PDE1A: variants seen among roughly 807,000 people sequenced by gnomAD.
PDE1A encodes phosphodiesterase 1A.
Under a neutral mutation model 61.7 loss-of-function variants are expected in PDE1A, and 35 were observed. The ratio of observed to expected loss-of-function variants is 0.57; its 90% CI spans 0.43 to 0.75. PDE1A has a LOEUF of 0.75. Among genes scored for constraint, PDE1A ranks in the 30% least tolerant of loss-of-function variants. The pLI, the probability that PDE1A is intolerant of heterozygous loss-of-function variation, is 0.00. For missense variants in PDE1A, 597 were observed against 630.6 expected (o/e 0.95, Z 0.57); for synonymous variants, 232 against 213.2 (o/e 1.09, Z -0.77).
chr2:182,454,451 G>A (rs188624711), intron 2 of PDE1A, among the ~76,000 whole-genome samples: 5,873 of 152,046 alleles, frequency 0.039, 141 homozygotes, highest in Middle Eastern at 0.085. Flanking sequence ...AAAAGAGCCC[G>A]CATCGCCAAG....
At chr2:182,426,584 A>T (rs371133275) in exon 1 of PDE1A, 2 of 1,608,006 alleles carry the variant, frequency 1.2e-6, no homozygotes, top group Non-Finnish European at 1.7e-6. Flanking sequence ...TTACCTAAAG[A>T]TGGGTCTTTG....
intron 1 of PDE1A, among the ~76,000 whole-genome samples, chr2:182,300,878 T>G (rs1695197782): frequency 6.6e-6 from 1 of 152,180 alleles, no homozygotes; most frequent in Admixed American, 6.5e-5. Context: ...GGGCTCTCTC[T>G]TGCAAAGTTG....
downstream of PDE1A, chr2:182,167,871 A>G: frequency 9.7e-7 from 1 of 1,029,032 alleles, no homozygotes; most frequent in Non-Finnish European, 1.2e-6. Context: ...CGTTTAGAAA[A>G]GGGACAATCT....
At chr2:182,573,581 A>C in the PDE1A span, among the ~76,000 whole-genome samples, 15 of 152,166 alleles carry the variant, frequency 9.9e-5, no homozygotes, top group South Asian at 2.1e-3. Context: ...TTGTCTATTA[A>C]AGACATTTAG....
chr2:182,476,747 G>A (rs1453664236), intron 2 of PDE1A, among the ~76,000 whole-genome samples: 2 of 151,782 alleles, frequency 1.3e-5, no homozygotes, highest in African/African-American at 4.8e-5. Context: ...TTGAAAAGGA[G>A]CTTGGGCAAG....
At chr2:182,186,388 T>C in intron 12 of PDE1A, 80 bp downstream of exon 12, 16 of 1,475,044 alleles carry the variant, frequency 1.1e-5, no homozygotes, top group Non-Finnish European at 1.4e-5. Flanking sequence ...TCTGCCTAGA[T>C]GTGAGAAATA....
chr2:182,386,064 G>A (rs552067121), intron 1 of PDE1A, among the ~76,000 whole-genome samples: 21 of 152,252 alleles, frequency 1.4e-4, no homozygotes, highest in Admixed American at 2.6e-4. Flanking sequence ...TGTGTTGGCC[G>A]GGCTGGTCCT....
At chr2:182,516,702 G>GAGGAAGGGAGGAAGGA (rs1553636652) in intron 2 of PDE1A, among the ~76,000 whole-genome samples, 3 of 116,762 alleles carry the variant, frequency 2.6e-5, no homozygotes, top group African/African-American at 6.7e-5. Flanking sequence ...GGGAGGAAGG[G>GAGGAAGGGAGGAAGGA]AGGAAGGAAG....
chr2:182,450,556 T>TAAA (rs36059127), intron 2 of PDE1A, among the ~76,000 whole-genome samples: 2 of 148,354 alleles, frequency 1.3e-5, no homozygotes, highest in Non-Finnish European at 1.5e-5. Context: ...AATGTTTTCA[T>TAAA]AAAAAAAAAA....
At chr2:182,148,668 G>A (rs1165568828) in intron 13 of PDE1A, among the ~76,000 whole-genome samples, 1 of 152,088 alleles carries the variant, frequency 6.6e-6, no homozygotes, top group Non-Finnish European at 1.5e-5. Context: ...TGAGGCATTT[G>A]TTTCCATGAA....
chr2:182,367,856 T>A (rs892834968), intron 1 of PDE1A, among the ~76,000 whole-genome samples: 3 of 152,126 alleles, frequency 2.0e-5, no homozygotes, highest in Non-Finnish European at 4.4e-5. Context: ...AAATCCACTT[T>A]ATTGAGATAT....
chr2:182,519,170 C>G (rs1036711680), intron 2 of PDE1A, among the ~76,000 whole-genome samples: 1 of 152,132 alleles, frequency 6.6e-6, no homozygotes, highest in East Asian at 1.9e-4. Context: ...AAGTCTAGGT[C>G]CCAAATTCAT....
chr2:182,706,718 G>T, the PDE1A span, among the ~76,000 whole-genome samples: 1 of 152,112 alleles, frequency 6.6e-6, no homozygotes. Flanking sequence ...CACAGTGTCT[G>T]GTTAGTCAAA....
At chr2:182,154,955 AAAAC>A (rs1401781494) in intron 13 of PDE1A, among the ~76,000 whole-genome samples, 3 of 152,134 alleles carry the variant, frequency 2.0e-5, no homozygotes, top group Non-Finnish European at 4.4e-5. Context: ...ATGTCAGAAA[AAAAC>A]AAGGCATTCA....
chr2:182,611,022 A>G, the PDE1A span, among the ~76,000 whole-genome samples: 2 of 152,214 alleles, frequency 1.3e-5, no homozygotes, highest in African/African-American at 4.8e-5. Context: ...GTCGTCTGAA[A>G]ATTTAAAGTT....
rs1488133998 is a variant in PDE1A at position 182,194,211 on chromosome 2, G to A, written c.1126-5151C>T. On this transcript the variant is annotated intron_variant, in intron 10 of 13. Coordinates refer to ENST00000351439, the Ensembl canonical transcript of PDE1A. ...CTAGTTGAAGAAGGGAAAAATCCAC[G>A]TAGTTATTGTTATTTAGTTTAAAAT... Among the ~76,000 whole-genome samples the A allele has an allele frequency of 3.3e-5, 5 of 152,002 alleles. No homozygotes were observed. The South Asian group carries it at 8.3e-4, about 25-fold the overall frequency.
the PDE1A span, among the ~76,000 whole-genome samples, chr2:182,599,741 T>C: frequency 6.6e-6 from 1 of 152,236 alleles, no homozygotes; most frequent in East Asian, 1.9e-4. Context: ...ATCTGAAACT[T>C]AATTTTAACT....
At chr2:182,607,826 G>C in the PDE1A span, among the ~76,000 whole-genome samples, 1 of 152,202 alleles carries the variant, frequency 6.6e-6, no homozygotes, top group South Asian at 2.1e-4. Context: ...ACCTGTGGAA[G>C]GGGGAGGAAC....
chr2:182,623,204 T>C, the PDE1A span, among the ~76,000 whole-genome samples: 2 of 152,124 alleles, frequency 1.3e-5, no homozygotes, highest in South Asian at 4.1e-4. Context: ...GCTGGGAATC[T>C]AATGAGAGGA....
Sources: allele counts gnomAD v4.1 joint callset (sites outside exome capture counted in the v4.1 genomes callset), GRCh38; gene constraint gnomAD v4.1.1; transcripts MANE v1.5; gene names NCBI Gene and HGNC (gene_info 2026-07-23, HGNC 2026-07-21).